PCDHA6: variants seen among roughly 807,000 people sequenced by gnomAD.
The protein encoded by PCDHA6 is protocadherin alpha 6, also known as protocadherin alpha-6.
A neutral mutation model predicts 60.3 loss-of-function variants in PCDHA6; 55 were observed. The observed-to-expected ratio is 0.91, with a 90% CI of 0.73 to 1.14. PCDHA6 has a LOEUF of 1.14. PCDHA6 is among the 50% of genes most tolerant of loss of function. PCDHA6 has a pLI of 0.00. For synonymous variants in PCDHA6, 652 were observed against 557.9 expected (o/e 1.17, Z -2.38); for missense variants, 1,327 against 1,256.5 (o/e 1.06, Z -0.85).
intron 1 of PCDHA6, chr5:140,877,509 G>A (rs781824762): frequency 5.6e-6 from 9 of 1,613,700 alleles, no homozygotes; most frequent in Non-Finnish European, 7.6e-6. Context: ...CAAAGACGTC[G>A]TCGCGGGCCT....
intron 1 of PCDHA6, chr5:140,884,522 C>T: frequency 6.2e-7 from 1 of 1,614,058 alleles, no homozygotes. Flanking sequence ...GTCGTACTCG[C>T]AGCAGAGGCG....
At chr5:140,991,984 C>T (rs1393451773) in intron 3 of PCDHA6, among the ~76,000 whole-genome samples, 1 of 151,632 alleles carries the variant, frequency 6.6e-6, no homozygotes, top group Non-Finnish European at 1.5e-5. Context: ...TTCTGCCTAC[C>T]ACCCGGTCTT....
chr5:140,828,051 C>G lies in PCDHA6; in HGVS notation c.-41C>G. The G allele has an allele frequency of 1.9e-6, 3 of 1,545,276 alleles. No homozygotes were observed. Among genetic ancestry groups the G allele is most frequent in the Non-Finnish European group, 2.6e-6 (3 of 1,148,988 alleles). ...GAACATACAGTATTTTATCTTTATG[C>G]GGAAGATCTTCTAATGGAAATAAAA... On this transcript the variant is annotated 5_prime_UTR_variant, in exon 1 of 4. Transcript: ENST00000529310.
chr5:140,869,810 A>T lies in PCDHA6; in HGVS notation c.2394+39325A>T, dbSNP rs2051437780. On this transcript the variant is annotated intron_variant, in intron 1 of 3. Transcript: ENST00000529310. ...CTGTTAGTCCAAGTCTTGGATGTCA[A>T]CGACAATGATCCAGAGTTTGATAAA... The T allele has an allele frequency of 6.2e-7, 1 of 1,612,624 alleles. No individual in the cohort carries two copies.
intron 1 of PCDHA6, among the ~76,000 whole-genome samples, chr5:140,915,885 G>A (rs1487160672): frequency 6.6e-6 from 1 of 152,204 alleles, no homozygotes; most frequent in Admixed American, 6.5e-5. Context: ...AGGGTAGCAA[G>A]TTCCCCCTGG....
intron 1 of PCDHA6, chr5:140,858,154 C>G (rs781842183): frequency 1.3e-6 from 2 of 1,597,814 alleles, no homozygotes; most frequent in African/African-American, 1.3e-5. Context: ...TCATCGCCAT[C>G]TGCGCGGTGT....
intron 1 of PCDHA6, chr5:140,875,972 T>G: frequency 6.2e-7 from 1 of 1,614,068 alleles, no homozygotes; most frequent in Non-Finnish European, 8.5e-7. Context: ...GTAAACTCTC[T>G]TTTGACCTAT....
At chr5:140,876,321 G>T (rs2153339560) in intron 1 of PCDHA6, 2 of 1,614,030 alleles carry the variant, frequency 1.2e-6, no homozygotes, top group East Asian at 2.2e-5. Context: ...GGATCAAAAT[G>T]ATTTTGCCAG....
At chr5:141,005,113 G>A (rs2098197843) in intron 3 of PCDHA6, among the ~76,000 whole-genome samples, 1 of 152,184 alleles carries the variant, frequency 6.6e-6, no homozygotes, top group South Asian at 2.1e-4. Flanking sequence ...ATTGTCTTTA[G>A]GGACCCCAAA....
Position 140,830,332 on chromosome 5 carries a change from C to T in PCDHA6, c.2241C>T (p.Ser747=), listed in dbSNP as rs1483373702. The part of the protein sequence containing the change: ...PTLVCSSAVG[S]WSYSQQRRQR... ...TGGTGTGCTCCAGCGCAGTGGGGAG[C>T]TGGTCGTACTCGCAGCAGAGGCGGC... Residue 747 remains serine (S), a synonymous_variant, in exon 1 of 4, where the codon AGC becomes AGT. Coordinates refer to ENST00000529310, the MANE Select transcript of PCDHA6 (RefSeq NM_018909.4). 6.2e-7 allele frequency: 1 copy of T among 1,614,016 alleles called. No homozygotes were observed. Among genetic ancestry groups the T allele is most frequent in the Non-Finnish European group, 8.5e-7 (1 of 1,179,942 alleles).
At chr5:140,903,917 T>C (rs2070714744) in intron 1 of PCDHA6, among the ~76,000 whole-genome samples, 1 of 152,258 alleles carries the variant, frequency 6.6e-6, no homozygotes, top group Non-Finnish European at 1.5e-5. Flanking sequence ...GTGACTTCCT[T>C]GCTGCATTGG....
chr5:140,860,800 C>G (rs1270356784), intron 1 of PCDHA6: 1 of 152,198 alleles, frequency 6.6e-6, no homozygotes, highest in East Asian at 1.9e-4. Flanking sequence ...TGCAGTGGCA[C>G]GATCTCGGCT....
intron 3 of PCDHA6, among the ~76,000 whole-genome samples, chr5:141,000,842 G>A (rs2097967739): frequency 1.3e-5 from 2 of 151,954 alleles, no homozygotes; most frequent in Non-Finnish European, 2.9e-5. Flanking sequence ...AGGAGATCCA[G>A]TCTGGCAGTC....
In PCDHA6 at chr5:140,876,830, C is replaced by T. The variant is rs199585768; in HGVS notation, c.2394+46345C>T. The T allele has an allele frequency of 3.4e-4, 552 of 1,614,204 alleles. 1 individual carries two copies. Among genetic ancestry groups the T allele is most frequent in the South Asian group, 1.5e-3 (138 of 91,090 alleles). On this transcript the variant is annotated intron_variant, in intron 1 of 3. Coordinates refer to ENST00000529310, the MANE Select transcript of PCDHA6 (RefSeq NM_018909.4). ...GTGGCCGACGTGAACGACAATGCGC[C>T]TGCGTTCGCGCAGCCCGAGTACACA...
chr5:140,996,524 C>A (rs1303736536), intron 3 of PCDHA6, among the ~76,000 whole-genome samples: 3 of 152,048 alleles, frequency 2.0e-5, no homozygotes, highest in African/African-American at 7.2e-5. Flanking sequence ...TTAGAAAGGC[C>A]CTGTGTGTTT....
intron 1 of PCDHA6, among the ~76,000 whole-genome samples, chr5:140,962,849 T>C (rs1434907172): frequency 6.6e-6 from 1 of 152,214 alleles, no homozygotes; most frequent in African/African-American, 2.4e-5. Context: ...ATATAACTTG[T>C]GCTCGGTTTG....
chr5:140,876,853 A>G, intron 1 of PCDHA6: 1 of 1,614,094 alleles, frequency 6.2e-7, no homozygotes. Context: ...GCCCGAGTAC[A>G]CAGTGTTCGT....
chr5:140,905,617 G>T (rs1019062717), intron 1 of PCDHA6, among the ~76,000 whole-genome samples: 8 of 152,116 alleles, frequency 5.3e-5, no homozygotes, highest in Non-Finnish European at 1.5e-5. Context: ...TCTATAGATT[G>T]CTTTTGACAG....
chr5:140,883,227 T>C (rs1367769120), intron 1 of PCDHA6: 2 of 1,613,830 alleles, frequency 1.2e-6, no homozygotes, highest in African/African-American at 2.7e-5. Flanking sequence ...GAAATATCCG[T>C]GGAGGCAGTT....
Sources: allele counts gnomAD v4.1 joint callset (sites outside exome capture counted in the v4.1 genomes callset), GRCh38; gene constraint gnomAD v4.1.1; transcripts MANE v1.5; gene names NCBI Gene and HGNC (gene_info 2026-07-23, HGNC 2026-07-21).